The following EPHX2 variants were observed in gnomAD, a reference collection of about 807,000 sequenced individuals.
EPHX2 encodes bifunctional epoxide hydrolase 2.
EPHX2 carries 74 observed loss-of-function variants against 78.7 expected under a neutral mutation model. The observed-to-expected ratio is 0.94, with a 90% confidence interval of 0.78 to 1.14. The LOEUF (loss-of-function observed/expected upper bound fraction) is 1.14, where lower values mean the gene tolerates loss of function less well. Ranked by LOEUF, EPHX2 falls within the 50% of genes most tolerant of loss-of-function variation. EPHX2 has a pLI of 0.00. For synonymous variants in EPHX2, 251 were observed against 255.2 expected (o/e 0.98, Z 0.16); for missense variants, 715 against 702.5 (o/e 1.02, Z -0.20).
chr8:27,495,157 C>T (rs1225931506), intron 1 of EPHX2, among the ~76,000 whole-genome samples: 1 of 152,222 alleles, frequency 6.6e-6, no homozygotes, highest in Non-Finnish European at 1.5e-5. Flanking sequence ...GGGGGTTCCC[C>T]TGGAGGTTAG....
At chr8:27,547,486 G>T (rs1585230801), downstream of EPHX2, among the ~76,000 whole-genome samples, 2 of 152,178 alleles carry the variant, frequency 1.3e-5, no homozygotes, top group East Asian at 3.8e-4. Context: ...GTGATGTTTT[G>T]ATACATATAA....
chr8:27,501,966 C>G (rs1171494707), intron 2 of EPHX2, among the ~76,000 whole-genome samples: 2 of 152,198 alleles, frequency 1.3e-5, no homozygotes, highest in Non-Finnish European at 1.5e-5. Context: ...TGTGTATATA[C>G]TATACAGACA....
At chr8:27,536,649 A>G in intron 12 of EPHX2, 135 bp from the exon 13 acceptor site, 4 of 799,750 alleles carry the variant, frequency 5.0e-6, no homozygotes, top group Non-Finnish European at 6.2e-6. Flanking sequence ...GAAAATTCAA[A>G]TGGATGCTAT....
chr8:27,538,867 A>T, intron 14 of EPHX2, 175 bp downstream of exon 14: 1 of 661,428 alleles, frequency 1.5e-6, no homozygotes, highest in East Asian at 2.8e-5. Flanking sequence ...GCCTGAGCAC[A>T]CAGCCTGGAG....
intron 1 of EPHX2, among the ~76,000 whole-genome samples, chr8:27,493,686 G>C (rs1813469528): frequency 7.1e-6 from 1 of 140,962 alleles, no homozygotes; most frequent in African/African-American, 3.1e-5. Flanking sequence ...GAAGGTGCAG[G>C]TGCCTGTCCA....
chr8:27,518,643 G>C (rs1273950440), intron 9 of EPHX2, among the ~76,000 whole-genome samples: 1 of 152,242 alleles, frequency 6.6e-6, no homozygotes, highest in Non-Finnish European at 1.5e-5. Context: ...ACAGCCCCCA[G>C]GTTGGCTGGG....
At chr8:27,498,812 TTACAC>T (rs1030503142) in intron 1 of EPHX2, among the ~76,000 whole-genome samples, 2 of 152,214 alleles carry the variant, frequency 1.3e-5, no homozygotes, top group African/African-American at 4.8e-5. Flanking sequence ...GTGGTGATGC[TTACAC>T]AACTGTAAAT....
intron 17 of EPHX2, 31 bp from the exon 18 acceptor site, chr8:27,544,155 A>C (rs1191378306): frequency 6.2e-7 from 1 of 1,613,652 alleles, no homozygotes; most frequent in Non-Finnish European, 8.5e-7. Flanking sequence ...GCCTTCTTCC[A>C]TTTACCTTTC....
intron 16 of EPHX2, among the ~76,000 whole-genome samples, chr8:27,541,883 T>C (rs1188095698): frequency 6.6e-6 from 1 of 152,102 alleles, no homozygotes; most frequent in African/African-American, 2.4e-5. Context: ...ACATGGATAC[T>C]GGAGCCCCCA....
chr8:27,507,776 G>C (rs182108672), intron 5 of EPHX2, among the ~76,000 whole-genome samples: 7 of 152,326 alleles, frequency 4.6e-5, no homozygotes, highest in African/African-American at 1.7e-4. Context: ...GGAAGTCCAA[G>C]ATCAAGGTGC....
intron 6 of EPHX2, among the ~76,000 whole-genome samples, chr8:27,513,051 G>C (rs1814310750): frequency 6.6e-6 from 1 of 152,118 alleles, no homozygotes; most frequent in Non-Finnish European, 1.5e-5. Context: ...GATGAATGGA[G>C]GGTCTTCCAT....
chr8:27,530,762 C>CTT (rs11343503), intron 12 of EPHX2, among the ~76,000 whole-genome samples: 26 of 127,330 alleles, frequency 2.0e-4, no homozygotes, highest in South Asian at 5.0e-4. Flanking sequence ...TAATTTTTTT[C>CTT]TTTTTTTTTT....
chr8:27,517,816 G>A (rs746058948), intron 8 of EPHX2, among the ~76,000 whole-genome samples: 1 of 152,190 alleles, frequency 6.6e-6, no homozygotes, highest in Non-Finnish European at 1.5e-5. Flanking sequence ...CTTGACATTG[G>A]TCTTGGCAAT....
intron 1 of EPHX2, among the ~76,000 whole-genome samples, chr8:27,498,079 C>A (rs1022938746): frequency 1.3e-5 from 2 of 152,162 alleles, no homozygotes; most frequent in Non-Finnish European, 2.9e-5. Flanking sequence ...TAAGTGAGGT[C>A]GAAGGTTTGC....
At chr8:27,518,197 C>A in intron 9 of EPHX2, 125 bp downstream of exon 9, 1 of 754,894 alleles carries the variant, frequency 1.3e-6, no homozygotes, top group Non-Finnish European at 2.2e-6. Context: ...TAAATTCCTA[C>A]TGAAAGTTGA....
At chr8:27,506,812 C>A in intron 4 of EPHX2, 60 bp from the exon 5 acceptor site, 1 of 1,584,154 alleles carries the variant, frequency 6.3e-7, no homozygotes, top group Non-Finnish European at 8.6e-7. Context: ...CATAAAATAG[C>A]CCCTGTTTGC....
rs753196707 is a variant in EPHX2, at chr8:27,543,823, G to A, written c.1524G>A (p.Glu508=). The change falls in exon 17 of 19, where the codon GAG becomes GAA. Residue 508 remains glutamate (E), a synonymous_variant. Transcript: ENST00000521400. ...VLVPQMSQHM[E]DWIPHLKRGH... is the part of the protein sequence containing the mutation. ...TTCCTCAGATGTCCCAGCACATGGA[G>A]GACTGGGTGAGGGAATGGCCCTGTA... 6.2e-7 allele frequency: 1 copy of A among 1,614,152 alleles called. No homozygotes were observed. Among genetic ancestry groups the A allele is most frequent in the South Asian group, 1.1e-5 (1 of 91,080 alleles).
At chr8:27,514,410 T>C (rs1453622432) in intron 6 of EPHX2, among the ~76,000 whole-genome samples, 1 of 152,238 alleles carries the variant, frequency 6.6e-6, no homozygotes, top group Non-Finnish European at 1.5e-5. Context: ...AATGTGACTC[T>C]GATTGTTCTC....
chr8:27,522,449 C>T lies in EPHX2; in HGVS notation c.999C>T (p.Gly333=). ...GCCTCTCTCAAGCAGTGTTCATTGGCCATGACTGGGGTGGCATGCTGGTGT... is the reference window on the plus strand; with the variant it reads ...GCCTCTCTCAAGCAGTGTTCATTGGTCATGACTGGGGTGGCATGCTGGTGT... ...KLGLSQAVFI[G]HDWGGMLVWY... Residue 333 remains glycine (G), a synonymous_variant, in exon 11 of 19, where the codon GGC becomes GGT. Transcript: ENST00000521400. 6.2e-7 allele frequency: 1 copy of T among 1,614,050 alleles called. No individual in the cohort carries two copies. Among genetic ancestry groups the T allele is most frequent in the Non-Finnish European group, 8.5e-7 (1 of 1,179,986 alleles).
Sources: gnomAD v4.1 joint callset for allele counts (sites outside exome capture counted in the v4.1 genomes callset) on GRCh38, gnomAD v4.1.1 for gene constraint, MANE v1.5 for transcripts, NCBI Gene and HGNC (gene_info 2026-07-23, HGNC 2026-07-21) for gene names.